The following ZFP64 variants were observed in gnomAD, a reference collection of about 807,000 sequenced individuals.
ZFP64 encodes zinc finger protein 64.
In ZFP64, 14 loss-of-function variants were observed where a neutral mutation model predicts 51.6. That is an observed-to-expected ratio of 0.27 (90% CI 0.18 to 0.42). ZFP64 has a LOEUF of 0.42. Among genes scored for constraint, ZFP64 ranks in the 10% least tolerant of loss-of-function variants. The pLI is 1.00. For synonymous variants in ZFP64, 375 were observed against 361.4 expected (o/e 1.04, Z -0.43); for missense variants, 754 against 906.8 (o/e 0.83, Z 2.16).
At chr20:52,180,765 T>C (rs1435477771) in intron 2 of ZFP64, among the ~76,000 whole-genome samples, 1 of 152,092 alleles carries the variant, frequency 6.6e-6, no homozygotes, top group Non-Finnish European at 1.5e-5. Flanking sequence ...AGATGAGTTC[T>C]ATCATCACTT....
chr20:52,168,087 C>T (rs983454871), intron 2 of ZFP64, among the ~76,000 whole-genome samples: 5 of 152,040 alleles, frequency 3.3e-5, no homozygotes, highest in Non-Finnish European at 5.9e-5. Context: ...GGCAGGAAAC[C>T]CAAGTTCCTG....
chr20:52,180,608 T>C (rs374186400), intron 2 of ZFP64, among the ~76,000 whole-genome samples: 1 of 150,054 alleles, frequency 6.7e-6, no homozygotes, highest in East Asian at 2.0e-4. Flanking sequence ...GAATATTGAC[T>C]GAGGGCTTGC....
intron 7 of ZFP64, chr20:52,096,816 G>C (rs2078993600): frequency 3.9e-6 from 1 of 253,676 alleles, no homozygotes; most frequent in Admixed American, 4.3e-5. Flanking sequence ...TTGAACCTGG[G>C]AGGCAGGGGT....
chr20:52,164,572 A>G (rs1300810802), intron 4 of ZFP64, 123 bp downstream of exon 4: 9 of 830,802 alleles, frequency 1.1e-5, no homozygotes, highest in Non-Finnish European at 1.8e-5. Flanking sequence ...TAAAATCTGG[A>G]CTTGTATTCC....
At chr20:52,131,881 A>G (rs1979740696) in intron 5 of ZFP64, among the ~76,000 whole-genome samples, 1 of 152,228 alleles carries the variant, frequency 6.6e-6, no homozygotes, top group Admixed American at 6.5e-5. Flanking sequence ...TCTAGTAGAT[A>G]TTTACAGAAC....
chr20:52,183,986 G>T lies in ZFP64; in HGVS notation c.286+2846C>A, dbSNP rs368898992. ...GTGCCTTGGCCTCCAAAGTAGCACG[G>T]ACTATAGGCGAGTGACACCATGCCT... On this transcript the variant is annotated intron_variant, in intron 2 of 5. Transcript: ENST00000216923. Among the ~76,000 whole-genome samples the T allele has an allele frequency of 1.8e-4, 28 of 152,240 alleles. 1 individual carries two copies. Among genetic ancestry groups the T allele is most frequent in the Admixed American group, 1.1e-3 (17 of 15,280 alleles).
intron 7 of ZFP64, among the ~76,000 whole-genome samples, chr20:52,096,471 A>G (rs1312218273): frequency 6.6e-6 from 1 of 152,226 alleles, no homozygotes; most frequent in Non-Finnish European, 1.5e-5. Flanking sequence ...AATAAACTGG[A>G]TTACGTTTAA....
At chr20:52,120,458 A>G (rs1979124121) in intron 5 of ZFP64, among the ~76,000 whole-genome samples, 1 of 152,110 alleles carries the variant, frequency 6.6e-6, no homozygotes, top group Admixed American at 6.6e-5. Flanking sequence ...CCATGTGCGT[A>G]TACGCCACTT....
Position 52,191,764 on chromosome 20 carries a change from C to A in ZFP64, c.-128G>T, listed in dbSNP as rs1026924969. The A allele has an allele frequency of 4.2e-6, 5 of 1,181,228 alleles. No individual in the cohort carries two copies. The African/African-American group carries it at 4.7e-5, about 11-fold the overall frequency. The allele number at this position is 1,181,228 out of a possible 1,614,324, so 73.2% of individuals were successfully genotyped here. On this transcript the variant is annotated 5_prime_UTR_variant, in exon 1 of 6. Transcript: ENST00000216923. The surrounding 1 kb of genome is among the most constrained non-coding windows in gnomAD (Gnocchi z 4.3). ...CCTGCCTTCTCCCAACTCTGCGAGG[C>A]GGGGAGGACGGATGTAAAGCAAGCT...
chr20:52,165,200 T>A (rs1401702067), intron 3 of ZFP64: 2 of 457,162 alleles, frequency 4.4e-6, no homozygotes, highest in South Asian at 3.1e-5. Flanking sequence ...GGACACTTGA[T>A]GACGAAATCT....
At chr20:52,136,828 G>A (rs552707838) in intron 5 of ZFP64, among the ~76,000 whole-genome samples, 2 of 152,064 alleles carry the variant, frequency 1.3e-5, no homozygotes, top group South Asian at 2.1e-4. Context: ...GTATAGTGGC[G>A]TGATCTCGGC....
intron 5 of ZFP64, chr20:52,105,063 G>A (rs1600711308): frequency 7.9e-6 from 11 of 1,392,174 alleles, no homozygotes; most frequent in Non-Finnish European, 9.3e-6. Context: ...CCTCGTACCC[G>A]CGCGGGTCCG....
At chr20:52,163,834 T>C (rs1011185110) in intron 4 of ZFP64, among the ~76,000 whole-genome samples, 1 of 152,218 alleles carries the variant, frequency 6.6e-6, no homozygotes, top group Non-Finnish European at 1.5e-5. Flanking sequence ...GCAGAAAATC[T>C]GGGAAACATA....
chr20:52,097,511 G>C, intron 6 of ZFP64: 1 of 1,393,796 alleles, frequency 7.2e-7, no homozygotes, highest in South Asian at 1.3e-5. Flanking sequence ...CTGGAGTGCA[G>C]TGGCTCCATC....
downstream of ZFP64, among the ~76,000 whole-genome samples, chr20:52,147,564 A>C (rs1980584430): frequency 6.6e-6 from 1 of 152,192 alleles, no homozygotes; most frequent in African/African-American, 2.4e-5. Context: ...ATAATTATAA[A>C]TCATATTTAT....
Position 52,186,812 on chromosome 20 carries a change from C to A in ZFP64, c.286+20G>T. The A allele has an allele frequency of 6.3e-7, 1 of 1,587,736 alleles. No homozygotes were observed. The highest frequency in any genetic ancestry group is 1.7e-5 in the Admixed American group (1 of 59,228). ...ACAGCCAGGCCAATTCTGGCCGACT[C>A]CCCCATGCTCCAGCTGTACCTGTGA... On this transcript the variant is annotated intron_variant, in intron 2 of 5. Coordinates refer to ENST00000216923, the MANE Select transcript of ZFP64 (RefSeq NM_018197.3).
At chr20:52,142,332 C>A (rs1219393707) in intron 5 of ZFP64, among the ~76,000 whole-genome samples, 1 of 149,362 alleles carries the variant, frequency 6.7e-6, no homozygotes, top group African/African-American at 2.5e-5. Flanking sequence ...TACGCCACTG[C>A]ACTCCAGCCT....
At position 52,152,811 on chromosome 20, in the gene ZFP64, G is replaced by C. The variant is rs780878311; in HGVS notation, c.1381C>G (p.Leu461Val). ...TTGCTGGGGTCGATCTGAAACTGGAGAACGGTCACGTCCGAGTTCTTACTC... is the reference window on the plus strand; with the variant it reads ...TTGCTGGGGTCGATCTGAAACTGGACAACGGTCACGTCCGAGTTCTTACTC... ...SESKNSDVTV[L>V]QFQIDPSKQP... Residue 461 changes from leucine to valine, a missense_variant, in exon 6 of 6, where the codon CTC becomes GTC. Leu to Val is a conservative substitution (Grantham distance 32). Around this residue, in one of 3 missense-constraint regions of ZFP64, gnomAD observed 428 missense variants for 472.4 expected, o/e 0.91. Coordinates refer to ENST00000216923, the MANE Select transcript of ZFP64 (RefSeq NM_018197.3). 10 of 1,612,386 alleles carry C rather than the reference G, an allele frequency of 6.2e-6. No individual in the cohort carries two copies. The Admixed American group carries it at 1.0e-4, about 16-fold the overall frequency.
downstream of ZFP64, among the ~76,000 whole-genome samples, chr20:52,149,575 A>T (rs147074179): frequency 1.6e-3 from 245 of 152,278 alleles, no homozygotes; most frequent in Non-Finnish European, 2.4e-3. Flanking sequence ...AACACAGAGC[A>T]CCTAACATTA....
Sources: gnomAD v4.1 joint callset for allele counts (sites outside exome capture counted in the v4.1 genomes callset) on GRCh38, gnomAD v4.1.1 for gene constraint, gnomAD v4.1.1 regional missense constraint, Gnocchi (gnomAD v3.1) non-coding constraint, MANE v1.5 for transcripts, NCBI Gene and HGNC (gene_info 2026-07-23, HGNC 2026-07-21) for gene names.